The following TIAM1 variants were observed in gnomAD, a reference collection of about 807,000 sequenced individuals.
TIAM1 encodes the protein TIAM Rac1 associated GEF 1, also known as rho guanine nucleotide exchange factor TIAM1.
In TIAM1, 65 loss-of-function variants were observed where a neutral mutation model predicts 163.5. The observed-to-expected ratio is 0.40, with a 90% CI of 0.33 to 0.49. The LOEUF (loss-of-function observed/expected upper bound fraction) is 0.49. Ranked by LOEUF, TIAM1 falls within the 20% of genes least tolerant of loss-of-function variation. The pLI is 0.77. For missense variants in TIAM1, 1,789 were observed against 2,044.7 expected (o/e 0.87, Z 2.41); for synonymous variants, 833 against 810.1 (o/e 1.03, Z -0.48).
chr21:31,509,529 C>A (rs1327744735), intron 1 of TIAM1, among the ~76,000 whole-genome samples: 1 of 152,232 alleles, frequency 6.6e-6, no homozygotes. Flanking sequence ...CAAACACCCA[C>A]ACCCAGGCAG....
At chr21:31,211,105 T>C (rs373298918) in intron 10 of TIAM1, among the ~76,000 whole-genome samples, 36 of 152,190 alleles carry the variant, frequency 2.4e-4, no homozygotes, top group East Asian at 1.9e-3. Context: ...GATAACATCA[T>C]GGCACAATGT....
chr21:31,225,882 C>T lies in TIAM1; in HGVS notation c.1653G>A (p.Ala551=), dbSNP rs199709044. ...GCGTGTCTTCCTTGTGGTGGTGCCT[C>T]GCGACCGCAGTGGCGCAGGCAGAGT... The part of the protein sequence containing the change: ...AIHSACATAV[A]RHHHKEDTLR... Residue 551 remains alanine, a synonymous_variant, in exon 7 of 28, where the codon GCG becomes GCA. Coordinates refer to ENST00000541036, the MANE Select transcript of TIAM1 (RefSeq NM_001353694.2). 13 of 1,614,100 alleles carry T rather than the reference C, an allele frequency of 8.1e-6. No homozygotes were observed. The highest frequency in any genetic ancestry group is 1.7e-5 in the Admixed American group (1 of 60,016).
At chr21:31,430,057 A>G (rs944737137) in intron 2 of TIAM1, among the ~76,000 whole-genome samples, 2 of 151,712 alleles carry the variant, frequency 1.3e-5, no homozygotes, top group African/African-American at 2.4e-5. Context: ...AATACAAAAA[A>G]TTAGCCAGGC....
chr21:31,139,168 T>C (rs2082736176), intron 22 of TIAM1, among the ~76,000 whole-genome samples: 1 of 152,236 alleles, frequency 6.6e-6, no homozygotes, highest in Non-Finnish European at 1.5e-5. Flanking sequence ...ATATTCATCT[T>C]TTTTTCCTAA....
intron 1 of TIAM1, among the ~76,000 whole-genome samples, chr21:31,469,505 TAGAAGA>T (rs765640862): frequency 1.3e-5 from 2 of 151,984 alleles, no homozygotes; most frequent in African/African-American, 2.4e-5. Flanking sequence ...CTGACAACAG[TAGAAGA>T]AGAAGAGGGG....
At chr21:31,507,335 G>T (rs1469600740) in intron 1 of TIAM1, among the ~76,000 whole-genome samples, 1 of 151,038 alleles carries the variant, frequency 6.6e-6, no homozygotes, top group African/African-American at 2.4e-5. Flanking sequence ...CTCCTGAGTA[G>T]CTGGGATTAC....
intron 2 of TIAM1, among the ~76,000 whole-genome samples, chr21:31,308,168 T>C (rs988098688): frequency 6.6e-6 from 1 of 152,070 alleles, no homozygotes; most frequent in Non-Finnish European, 1.5e-5. Flanking sequence ...GGAGGACTGA[T>C]TGAGCCTAGG....
chr21:31,128,221 T>C (rs574377297), intron 25 of TIAM1, among the ~76,000 whole-genome samples: 1 of 152,332 alleles, frequency 6.6e-6, no homozygotes, highest in East Asian at 1.9e-4. Context: ...TTGTACAAAC[T>C]TTCCAAACTA....
At chr21:31,168,084 G>C (rs2084323719) in intron 15 of TIAM1, among the ~76,000 whole-genome samples, 1 of 148,358 alleles carries the variant, frequency 6.7e-6, no homozygotes, top group East Asian at 2.0e-4. Context: ...TCTTCCCTGA[G>C]ATTCTTATTA....
At chr21:31,177,722 A>C (rs997804387) in intron 15 of TIAM1, among the ~76,000 whole-genome samples, 1 of 152,214 alleles carries the variant, frequency 6.6e-6, no homozygotes, top group African/African-American at 2.4e-5. Context: ...AAACCTCTCT[A>C]TGAGAAAGCA....
intron 1 of TIAM1, among the ~76,000 whole-genome samples, chr21:31,517,821 G>C (rs1376248372): frequency 6.6e-6 from 1 of 152,116 alleles, no homozygotes; most frequent in African/African-American, 2.4e-5. Context: ...GGCGAGTCGA[G>C]GCCAAGAGAA....
At chr21:31,510,759 A>G (rs1346334199) in intron 1 of TIAM1, among the ~76,000 whole-genome samples, 1 of 151,898 alleles carries the variant, frequency 6.6e-6, no homozygotes, top group Admixed American at 6.6e-5. Context: ...GGTTGCAGTG[A>G]GTTGAGATCA....
chr21:31,145,614 A>G (rs964609261), intron 20 of TIAM1, among the ~76,000 whole-genome samples: 2 of 152,216 alleles, frequency 1.3e-5, no homozygotes, highest in Non-Finnish European at 2.9e-5. Flanking sequence ...ACTTAAGGAA[A>G]AGCAGCTTGC....
intron 1 of TIAM1, among the ~76,000 whole-genome samples, chr21:31,547,233 T>C (rs1029291421): frequency 1.3e-5 from 2 of 152,240 alleles, no homozygotes; most frequent in African/African-American, 4.8e-5. Flanking sequence ...GTCTTTGTCA[T>C]GAAGACTGCA....
intron 2 of TIAM1, among the ~76,000 whole-genome samples, chr21:31,457,342 A>C (rs2045143836): frequency 6.6e-6 from 1 of 152,174 alleles, no homozygotes; most frequent in Admixed American, 6.6e-5. Flanking sequence ...CTCATCTTTA[A>C]ATTAAAGGCA....
chr21:31,147,207 T>A (rs1484972617), intron 19 of TIAM1, among the ~76,000 whole-genome samples: 1 of 152,210 alleles, frequency 6.6e-6, no homozygotes, highest in Non-Finnish European at 1.5e-5. Context: ...TAAAAGGTGT[T>A]GGACTTTTTG....
At chr21:31,430,519 T>C (rs561044473) in intron 2 of TIAM1, among the ~76,000 whole-genome samples, 116 of 151,996 alleles carry the variant, frequency 7.6e-4, no homozygotes, top group African/African-American at 2.5e-3. Flanking sequence ...TTATGTATTA[T>C]GTATAATAAA....
At chr21:31,522,475 A>G (rs78148384) in intron 1 of TIAM1, among the ~76,000 whole-genome samples, 2 of 151,512 alleles carry the variant, frequency 1.3e-5, no homozygotes, top group South Asian at 4.2e-4. Flanking sequence ...GCACCATTGC[A>G]CTCCAGCCTG....
At chr21:31,271,832 G>A (rs1033685547) in intron 3 of TIAM1, among the ~76,000 whole-genome samples, 4 of 152,186 alleles carry the variant, frequency 2.6e-5, no homozygotes, top group Admixed American at 6.5e-5. Flanking sequence ...CTGGGGGAGT[G>A]CTCAGGGCCA....
Sources: allele counts gnomAD v4.1 joint callset (sites outside exome capture counted in the v4.1 genomes callset), GRCh38; gene constraint gnomAD v4.1.1; transcripts MANE v1.5; gene names NCBI Gene and HGNC (gene_info 2026-07-23, HGNC 2026-07-21).